Variants in CNTNAP2 observed in about 807,000 individuals in gnomAD.
CNTNAP2 encodes the protein contactin associated protein 2, also known as contactin-associated protein-like 2.
CNTNAP2 carries 98 observed loss-of-function variants against 155.2 expected under a neutral mutation model. That is an observed-to-expected ratio of 0.63 (90% CI 0.54 to 0.75). The LOEUF is 0.75. Among genes scored for constraint, CNTNAP2 ranks in the 30% least tolerant of loss-of-function variants. The pLI, the probability that CNTNAP2 is intolerant of heterozygous loss-of-function variation, is 0.00. For missense variants in CNTNAP2, 1,727 were observed against 1,688.1 expected, an observed-to-expected ratio of 1.02 and a Z score of -0.40; for synonymous variants, 651 against 631.2, an observed-to-expected ratio of 1.03 and a Z score of -0.47.
intron 2 of CNTNAP2, among the ~76,000 whole-genome samples, chr7:146,805,127 CAT>C (rs1015812988): frequency 6.6e-6 from 1 of 152,030 alleles, no homozygotes; most frequent in Admixed American, 6.6e-5. Flanking sequence ...AGAAAGGAAT[CAT>C]AGTGTTTGGG....
chr7:146,584,448 A>G (rs1185589794), intron 1 of CNTNAP2, among the ~76,000 whole-genome samples: 5 of 152,248 alleles, frequency 3.3e-5, no homozygotes, highest in African/African-American at 1.2e-4. Flanking sequence ...TTATTTGCTG[A>G]CATAATTTGG....
chr7:147,406,942 C>A (rs576901457), intron 10 of CNTNAP2, among the ~76,000 whole-genome samples: 1 of 152,110 alleles, frequency 6.6e-6, no homozygotes, highest in African/African-American at 2.4e-5. Flanking sequence ...TTGCCTTCAA[C>A]GAGTCGCAGC....
intron 1 of CNTNAP2, among the ~76,000 whole-genome samples, chr7:146,481,186 A>G (rs552538471): frequency 1.4e-4 from 21 of 152,304 alleles, no homozygotes; most frequent in Admixed American, 3.9e-4. Context: ...CTCATTTGGT[A>G]TATCTCCCAA....
intron 15 of CNTNAP2, among the ~76,000 whole-genome samples, chr7:148,103,258 G>A (rs1352301790): frequency 1.3e-5 from 2 of 151,258 alleles, no homozygotes; most frequent in Admixed American, 6.6e-5. Context: ...TACAGTGGAG[G>A]CAGGTTTGCC....
At chr7:147,820,950 CT>C (rs1281018615) in intron 13 of CNTNAP2, among the ~76,000 whole-genome samples, 1 of 152,008 alleles carries the variant, frequency 6.6e-6, no homozygotes, top group Admixed American at 6.6e-5. Context: ...GTGGAAGTAT[CT>C]TTAAAACAGA....
chr7:147,825,956 C>T (rs1798441078), intron 13 of CNTNAP2, among the ~76,000 whole-genome samples: 1 of 152,112 alleles, frequency 6.6e-6, no homozygotes, highest in Non-Finnish European at 1.5e-5. Flanking sequence ...ATTCTCACTT[C>T]GGTTCCTTGG....
chr7:147,764,983 T>TAA (rs1417682454), intron 13 of CNTNAP2, among the ~76,000 whole-genome samples: 1 of 152,202 alleles, frequency 6.6e-6, no homozygotes, highest in Admixed American at 6.5e-5. Flanking sequence ...TTATTTCTGA[T>TAA]AACTTCATAA....
At chr7:146,742,673 A>G (rs899341007) in intron 1 of CNTNAP2, among the ~76,000 whole-genome samples, 1 of 152,054 alleles carries the variant, frequency 6.6e-6, no homozygotes, top group African/African-American at 2.4e-5. Context: ...TTAAGTAGGT[A>G]ATGAGAGAAG....
At chr7:146,435,438 G>T (rs1202564609) in intron 1 of CNTNAP2, among the ~76,000 whole-genome samples, 1 of 152,274 alleles carries the variant, frequency 6.6e-6, no homozygotes, top group African/African-American at 2.4e-5. Flanking sequence ...CTAGTTAAAA[G>T]AATTGTGTGC....
At chr7:146,898,139 A>C (rs907680601) in intron 3 of CNTNAP2, among the ~76,000 whole-genome samples, 3 of 152,100 alleles carry the variant, frequency 2.0e-5, no homozygotes, top group African/African-American at 7.2e-5. Flanking sequence ...TGCAAAGTTA[A>C]CTACAAACAG....
Position 147,870,071 on chromosome 7 carries a change from G to A in CNTNAP2, c.2099-33494G>A, listed in dbSNP as rs896891725. On this transcript the variant is annotated intron_variant, in intron 13 of 23. Transcript: ENST00000361727. ...AGGCAAAGTCATATTAGATGCCCAA[G>A]GTAACACAGCTAGTAAATGGCAGAA... Among the ~76,000 whole-genome samples, 8 of 152,258 alleles carry A rather than the reference G, an allele frequency of 5.3e-5. No homozygotes were observed. The East Asian group carries it at 1.5e-3, about 29-fold the overall frequency.
chr7:147,851,098 A>G (rs1798930353), intron 13 of CNTNAP2, among the ~76,000 whole-genome samples: 1 of 152,258 alleles, frequency 6.6e-6, no homozygotes, highest in Non-Finnish European at 1.5e-5. Context: ...AACCCCATCA[A>G]CAAGTGGGCG....
chr7:146,623,699 G>A (rs1799371910), intron 1 of CNTNAP2, among the ~76,000 whole-genome samples: 1 of 152,122 alleles, frequency 6.6e-6, no homozygotes, highest in Non-Finnish European at 1.5e-5. Context: ...AAATGAAGCT[G>A]TTATTAATGT....
chr7:146,349,617 T>C (rs1323544183), intron 1 of CNTNAP2, among the ~76,000 whole-genome samples: 1 of 152,204 alleles, frequency 6.6e-6, no homozygotes, highest in Non-Finnish European at 1.5e-5. Flanking sequence ...TGGTTGTTCC[T>C]TTCTATGTTT....
At chr7:147,059,029 C>T (rs1799614574) in intron 4 of CNTNAP2, among the ~76,000 whole-genome samples, 1 of 152,136 alleles carries the variant, frequency 6.6e-6, no homozygotes, top group Non-Finnish European at 1.5e-5. Flanking sequence ...TGGTGATGTG[C>T]TTAGCAATCC....
chr7:146,407,404 C>T (rs1006856493), intron 1 of CNTNAP2, among the ~76,000 whole-genome samples: 1 of 152,084 alleles, frequency 6.6e-6, no homozygotes. Flanking sequence ...ATTCAAGTCT[C>T]ATGAAATGTA....
chr7:146,832,872 A>AT (rs1433497465), intron 2 of CNTNAP2, among the ~76,000 whole-genome samples: 1 of 151,408 alleles, frequency 6.6e-6, no homozygotes, highest in Admixed American at 6.6e-5. Context: ...ATTTTTGTAT[A>AT]TTTTTTTAGT....
intron 1 of CNTNAP2, among the ~76,000 whole-genome samples, chr7:146,759,375 G>T (rs578174411): frequency 2.6e-5 from 4 of 151,976 alleles, no homozygotes; most frequent in Admixed American, 6.6e-5. Flanking sequence ...CATTAGAAAG[G>T]GGAGGATGAA....
intron 3 of CNTNAP2, among the ~76,000 whole-genome samples, chr7:146,911,365 A>T (rs1171875043): frequency 6.6e-6 from 1 of 152,134 alleles, no homozygotes; most frequent in Non-Finnish European, 1.5e-5. Context: ...ACGTATGTTT[A>T]TCGCGGCATT....
Sources: gnomAD v4.1 joint callset for allele counts (sites outside exome capture counted in the v4.1 genomes callset) on GRCh38, gnomAD v4.1.1 for gene constraint, MANE v1.5 for transcripts, NCBI Gene and HGNC (gene_info 2026-07-23, HGNC 2026-07-21) for gene names.